Variants in CYB5R1 observed in about 807,000 individuals in gnomAD.
CYB5R1 encodes NADH-cytochrome b5 reductase 1.
CYB5R1 carries 32 observed loss-of-function variants against 37.4 expected under a neutral mutation model. The observed-to-expected ratio is 0.86, with a 90% CI of 0.65 to 1.15. The LOEUF (loss-of-function observed/expected upper bound fraction) is 1.15. CYB5R1 is among the 50% of genes most tolerant of loss of function. CYB5R1 has a pLI of 0.00. For synonymous variants in CYB5R1, 159 were observed against 155.2 expected (o/e 1.02, Z -0.18); for missense variants, 345 against 382.5 (o/e 0.90, Z 0.82).
At chr1:202,965,148 C>A in intron 5 of CYB5R1, 1 of 553,948 alleles carries the variant, frequency 1.8e-6, no homozygotes. Flanking sequence ...TAGTAATCTC[C>A]ACAGCTGCCA....
At chr1:202,963,221 A>G in intron 7 of CYB5R1, 56 bp from the exon 8 acceptor site, 4 of 1,323,372 alleles carry the variant, frequency 3.0e-6, no homozygotes, top group Non-Finnish European at 3.2e-6. Context: ...CCACATAAAA[A>G]GTTTTCTGCT....
At chr1:202,964,744 G>A (rs371958343) in intron 5 of CYB5R1, 49 bp from the exon 6 acceptor site, 30 of 1,363,706 alleles carry the variant, frequency 2.2e-5, no homozygotes, top group South Asian at 4.7e-5. Context: ...TCAATACAGC[G>A]AACTTAGAAA....
Position 202,962,283 on chromosome 1 carries a change from G to T in CYB5R1, c.*244C>A. 1 of 460,338 alleles carries T rather than the reference G, an allele frequency of 2.2e-6. No individual in the cohort carries two copies. Among genetic ancestry groups the T allele is most frequent in the South Asian group, 4.1e-5 (1 of 24,560 alleles). 28.5% of individuals were successfully genotyped at this position (460,338 alleles called of 1,614,324 possible). A position where few individuals can be genotyped will look rare whatever the true frequency, so the allele number is the denominator to read the frequency against. Reference sequence around the variant, plus strand: ...TCCTTCTTACTCCATGGAAGAGACTGCTCCATGGGCCTCTCCTGGACCTGT... The same window carrying T: ...TCCTTCTTACTCCATGGAAGAGACTTCTCCATGGGCCTCTCCTGGACCTGT... On this transcript the variant is annotated 3_prime_UTR_variant, in exon 9 of 9. Transcript: ENST00000367249.
intron 5 of CYB5R1, 40 bp downstream of exon 5, chr1:202,965,331 T>C (rs767221107): frequency 2.6e-6 from 4 of 1,534,336 alleles, no homozygotes; most frequent in Admixed American, 2.1e-5. Flanking sequence ...TGGGAACTGA[T>C]AAAGTGGGAG....
intron 4 of CYB5R1, 102 bp downstream of exon 4, chr1:202,965,785 C>A (rs1046004209): frequency 1.2e-6 from 1 of 854,354 alleles, no homozygotes; most frequent in Non-Finnish European, 1.9e-6. Flanking sequence ...TTCACATCCA[C>A]AGAGTACATA....
chr1:202,966,693 A>G (rs574294913), intron 2 of CYB5R1, 56 bp downstream of exon 2: 1 of 1,612,412 alleles, frequency 6.2e-7, no homozygotes, highest in African/African-American at 1.3e-5. Flanking sequence ...TGTACCCTCC[A>G]TGCCAGGAGC....
At chr1:202,965,823 G>C in intron 4 of CYB5R1, 64 bp downstream of exon 4, 1 of 1,240,438 alleles carries the variant, frequency 8.1e-7, no homozygotes, top group Non-Finnish European at 1.2e-6. Context: ...GCAAATCTTA[G>C]AAATTTCTAC....
intron 1 of CYB5R1, 33 bp downstream of exon 1, chr1:202,967,158 C>G: frequency 2.5e-6 from 4 of 1,606,484 alleles, no homozygotes; most frequent in Non-Finnish European, 3.4e-6. Context: ...GGGGAGGGGT[C>G]CCCCAGTGGA....
intron 5 of CYB5R1, chr1:202,965,128 A>C: frequency 2.1e-6 from 1 of 483,930 alleles, no homozygotes; most frequent in Non-Finnish European, 3.6e-6. Context: ...AGAGGGGCAC[A>C]TGTTTGCTTT....
rs368493174 is a variant in CYB5R1 at position 202,966,737 on chromosome 1, T to C, written c.165+12A>G. On this transcript the variant is annotated intron_variant, in intron 2 of 8. Coordinates refer to ENST00000367249, the MANE Select transcript of CYB5R1 (RefSeq NM_016243.3). Reference sequence around the variant, plus strand: ...CCCCTCCTTCACCCTGGCCCTTTCTTCCCCAACTTACCGTCTTGTCTAGCA... The same window carrying C: ...CCCCTCCTTCACCCTGGCCCTTTCTCCCCCAACTTACCGTCTTGTCTAGCA... 6.8e-6 allele frequency: 11 copies of C among 1,613,574 alleles called. No individual in the cohort carries two copies. The highest frequency in any genetic ancestry group is 9.3e-6 in the Non-Finnish European group (11 of 1,179,640).
intron 5 of CYB5R1, 115 bp downstream of exon 5, chr1:202,965,256 G>T (rs1383870791): frequency 8.1e-7 from 1 of 1,236,980 alleles, no homozygotes; most frequent in South Asian, 1.8e-5. Context: ...TTAGAAGGAA[G>T]GGCGGCCCTG....
At chr1:202,966,675 G>A (rs989218171) in intron 2 of CYB5R1, 74 bp downstream of exon 2, 4 of 1,613,106 alleles carry the variant, frequency 2.5e-6, no homozygotes, top group African/African-American at 1.3e-5. Context: ...CCCAACCACC[G>A]TGGGTGCTGT....
At chr1:202,963,381 T>G in intron 7 of CYB5R1, 2 of 593,274 alleles carry the variant, frequency 3.4e-6, no homozygotes, top group Non-Finnish European at 3.0e-6. Context: ...AGATGAATAT[T>G]TAACCAAGAA....
chr1:202,963,188 A>G (rs1349115832), intron 7 of CYB5R1, 23 bp from the exon 8 acceptor site: 3 of 1,550,576 alleles, frequency 1.9e-6, no homozygotes, highest in Middle Eastern at 1.7e-4. Context: ...GGGGAAGGAA[A>G]GTCTTTAGGA....
At chr1:202,965,573 C>T (rs1201467340) in intron 4 of CYB5R1, 73 bp from the exon 5 acceptor site, 6 of 1,458,604 alleles carry the variant, frequency 4.1e-6, no homozygotes, top group Non-Finnish European at 5.5e-6. Flanking sequence ...ACTAAACCTC[C>T]CTGAGGCTGG....
chr1:202,965,937 T>C lies in CYB5R1; in HGVS notation c.295A>G (p.Thr99Ala). ...IDGSLVIRPY[T>A]PVTSDEDQGY... ...TGATCCTCATCACTGGTGACAGGAG[T>C]GTATGGCCTGATGACCAGGCTGCCA... The change falls in exon 4 of 9, where the codon ACT becomes GCT. Residue 99 changes from threonine to alanine, a missense_variant. By Grantham distance (58) the Thr-to-Ala change is moderately conservative. Transcript: ENST00000367249. 2 of 1,613,806 alleles carry C rather than the reference T, an allele frequency of 1.2e-6. No homozygotes were observed. The highest frequency in any genetic ancestry group is 2.2e-5 in the South Asian group (2 of 91,072).
chr1:202,962,200 T>A lies in CYB5R1; in HGVS notation c.*327A>T. ...CCTTTCATCACAGACACAAAGAAGG[T>A]GAGAGTAAGATGCTATCAAGGAACT... On this transcript the variant is annotated 3_prime_UTR_variant, in exon 9 of 9. Coordinates refer to ENST00000367249, the MANE Select transcript of CYB5R1 (RefSeq NM_016243.3). 8.0e-6 allele frequency: 2 copies of A among 250,752 alleles called. No homozygotes were observed. Among genetic ancestry groups the A allele is most frequent in the Non-Finnish European group, 1.5e-5 (2 of 133,390 alleles). 15.5% of individuals were successfully genotyped at this position (250,752 alleles called of 1,614,324 possible).
At chr1:202,963,012 G>A (rs765359335) in intron 8 of CYB5R1, 54 bp downstream of exon 8, 2 of 1,498,178 alleles carry the variant, frequency 1.3e-6, no homozygotes, top group South Asian at 2.3e-5. Context: ...AAGGGGCAAG[G>A]CTTTGATTTT....
intron 6 of CYB5R1, 112 bp from the exon 7 acceptor site, chr1:202,963,839 C>A: frequency 1.7e-6 from 1 of 581,146 alleles, no homozygotes; most frequent in Non-Finnish European, 2.9e-6. Context: ...CACTCCACTC[C>A]ATTTTCCTTT....
Sources: allele counts gnomAD v4.1 joint callset, GRCh38; gene constraint gnomAD v4.1.1; transcripts MANE v1.5; gene names NCBI Gene and HGNC (gene_info 2026-07-23, HGNC 2026-07-21).